Variants in ADAMTS18 observed in about 807,000 individuals in gnomAD.
ADAMTS18 encodes the protein ADAM metallopeptidase with thrombospondin type 1 motif 18, also known as A disintegrin and metalloproteinase with thrombospondin motifs 18.
ADAMTS18 carries 157 observed loss-of-function variants against 165.9 expected under a neutral mutation model. The ratio of observed to expected loss-of-function variants is 0.95; its 90% CI spans 0.83 to 1.08. ADAMTS18 has a LOEUF of 1.08. ADAMTS18 is among the 50% of genes least tolerant of loss of function. The pLI, the probability that ADAMTS18 is intolerant of heterozygous loss-of-function variation, is 0.00. For synonymous variants in ADAMTS18, 782 were observed against 578.2 expected (o/e 1.35, Z -5.06); for missense variants, 2,040 against 1,534.0 (o/e 1.33, Z -5.51).
chr16:77,292,234 G>A (rs2055377836), intron 20 of ADAMTS18, among the ~76,000 whole-genome samples: 1 of 152,294 alleles, frequency 6.6e-6, no homozygotes, highest in Admixed American at 6.5e-5. Context: ...GGAGGTGGAG[G>A]CTGCAGTGAG....
At chr16:77,359,954 G>C (rs1808552) in intron 7 of ADAMTS18, among the ~76,000 whole-genome samples, 55,576 of 152,102 alleles carry the variant, frequency 0.37, 11,079 homozygotes, top group Non-Finnish European at 0.46. Context: ...TCTTTATAAT[G>C]TGGTAAGTGC....
chr16:77,314,340 G>A (rs369667935), intron 16 of ADAMTS18, among the ~76,000 whole-genome samples: 1 of 152,016 alleles, frequency 6.6e-6, no homozygotes, highest in African/African-American at 2.4e-5. Context: ...GCTGGGCGTG[G>A]TGCACACCAG....
intron 15 of ADAMTS18, 79 bp from the exon 16 acceptor site, chr16:77,320,172 GTGT>G (rs887728190): frequency 1.3e-6 from 2 of 1,559,470 alleles, no homozygotes; most frequent in Non-Finnish European, 1.8e-6. Flanking sequence ...CCGACATGTA[GTGT>G]TCAGTTTTAT....
intron 16 of ADAMTS18, among the ~76,000 whole-genome samples, chr16:77,319,449 G>T (rs2055947499): frequency 6.6e-6 from 1 of 151,952 alleles, no homozygotes; most frequent in Admixed American, 6.6e-5. Flanking sequence ...ACCTTTTGTT[G>T]TTGTTGTTGT....
rs529077454 is a variant in ADAMTS18 at position 77,384,823 on chromosome 16, A to C, written c.496-17100T>G. Among the ~76,000 whole-genome samples, 46 of 104,786 alleles carry C rather than the reference A, an allele frequency of 4.4e-4. 1 individual carries two copies. The highest frequency in any genetic ancestry group is 0.012 in the Middle Eastern group (2 of 162). The allele number at this position is 104,786 out of a possible 152,430, so 68.7% of individuals were successfully genotyped here. On this transcript the variant is annotated intron_variant, in intron 3 of 22. Transcript: ENST00000282849. The stretch of plus-strand genomic sequence containing the variant: ...CTTCTTCTGATACCATTTTTGCTTC[A>C]GATTTTTTTAAAAAATCTCAACATT...
rs1426099979 is a variant in ADAMTS18, at chr16:77,364,251, C to T, written c.909G>A (p.Lys303=). The T allele has an allele frequency of 6.2e-7, 1 of 1,614,024 alleles. No homozygotes were observed. The highest frequency in any genetic ancestry group is 1.1e-5 in the South Asian group (1 of 91,072). ...CCTTGCCATGCTTTTCCACCATTTT[C>T]TTGTCTGCCACCACGAGGGTTTCCA... The part of the protein sequence containing the change: ...LNVETLVVAD[K]KMVEKHGKGN... The change falls in exon 5 of 23, where the codon AAG becomes AAA. Residue 303 remains lysine (K), a synonymous_variant. Coordinates refer to ENST00000282849, the MANE Select transcript of ADAMTS18 (RefSeq NM_199355.4).
rs181173125 is a variant in ADAMTS18, at chr16:77,302,450, G to A, written c.2533-2046C>T. Among the ~76,000 whole-genome samples the A allele has an allele frequency of 1.6e-3, 246 of 152,270 alleles. 4 individuals carry two copies. In the East Asian group the frequency reaches 0.044, roughly 27 times the overall value. On this transcript the variant is annotated intron_variant, in intron 16 of 22. Transcript: ENST00000282849. Reference sequence around the variant, plus strand: ...GTGAGTGCAATGCATAAGAGTTACAGTGCGCTAAGGCCCACAAGGCAGAAT... The same window carrying A: ...GTGAGTGCAATGCATAAGAGTTACAATGCGCTAAGGCCCACAAGGCAGAAT...
chr16:77,370,067 G>GAA (rs1427474689), intron 3 of ADAMTS18, among the ~76,000 whole-genome samples: 1 of 152,100 alleles, frequency 6.6e-6, no homozygotes, highest in Admixed American at 6.5e-5. Flanking sequence ...ATTAGGTATA[G>GAA]AAAAAGTGCA....
chr16:77,411,338 T>G (rs1032550582), intron 3 of ADAMTS18, among the ~76,000 whole-genome samples: 1 of 152,230 alleles, frequency 6.6e-6, no homozygotes, highest in Non-Finnish European at 1.5e-5. Flanking sequence ...GTCAGTCTCA[T>G]GCCAACGCCT....
chr16:77,284,123 C>G (rs879019851), intron 22 of ADAMTS18, 52 bp from the exon 23 acceptor site: 23 of 951,640 alleles, frequency 2.4e-5, no homozygotes, highest in Non-Finnish European at 3.3e-5. Flanking sequence ...TATCCTTTTT[C>G]TTTTTTTTTT....
rs1050472566 is a variant in ADAMTS18, at chr16:77,362,822, T to G, written c.1057-558A>C. Among the ~76,000 whole-genome samples, 3 of 152,208 alleles carry G rather than the reference T, an allele frequency of 2.0e-5. No homozygotes were observed. In the South Asian group the frequency reaches 6.2e-4, roughly 32 times the overall value. ...GGTCAAAGCTGTTGACTTGGCCAAG[T>G]TGAAGGTTTTTAGACAAGATCTTTA... On this transcript the variant is annotated intron_variant, in intron 6 of 22. Coordinates refer to ENST00000282849, the MANE Select transcript of ADAMTS18 (RefSeq NM_199355.4).
intron 16 of ADAMTS18, among the ~76,000 whole-genome samples, chr16:77,314,596 GA>G (rs1177715039): frequency 7.6e-6 from 1 of 131,228 alleles, no homozygotes; most frequent in African/African-American, 2.9e-5. Context: ...TGGGCAACAA[GA>G]GCAAAACTCT....
chr16:77,301,756 A>C (rs952788454), intron 16 of ADAMTS18, among the ~76,000 whole-genome samples: 2 of 142,618 alleles, frequency 1.4e-5, no homozygotes, highest in African/African-American at 4.9e-5. Flanking sequence ...GAGTATTATG[A>C]CTAACTCTTA....
intron 16 of ADAMTS18, among the ~76,000 whole-genome samples, chr16:77,302,146 A>G (rs991826618): frequency 1.3e-5 from 2 of 152,018 alleles, no homozygotes; most frequent in Non-Finnish European, 2.9e-5. Context: ...TTGAATAAAT[A>G]GTATGCTTTC....
At chr16:77,344,754 A>C (rs77179277) in intron 10 of ADAMTS18, among the ~76,000 whole-genome samples, 7 of 149,404 alleles carry the variant, frequency 4.7e-5, no homozygotes, top group South Asian at 4.3e-4. Flanking sequence ...AAAAAAAAAA[A>C]CACAGGGATT....
chr16:77,326,804 A>C (rs1210474071), intron 12 of ADAMTS18, among the ~76,000 whole-genome samples: 1 of 152,240 alleles, frequency 6.6e-6, no homozygotes, highest in Non-Finnish European at 1.5e-5. Flanking sequence ...TTTGGTATAC[A>C]GACTGTTTCA....
At chr16:77,368,355 A>G (rs1008515410) in intron 3 of ADAMTS18, among the ~76,000 whole-genome samples, 2 of 151,924 alleles carry the variant, frequency 1.3e-5, no homozygotes, top group Admixed American at 6.6e-5. Flanking sequence ...GGCAGATGCC[A>G]TGTTCACCAC....
At chr16:77,346,955 C>T (rs1246383071) in intron 10 of ADAMTS18, among the ~76,000 whole-genome samples, 1 of 152,216 alleles carries the variant, frequency 6.6e-6, no homozygotes. Flanking sequence ...TCCCCTGTCC[C>T]CTTTTGCAGT....
Position 77,299,502 on chromosome 16 carries a change from A to C in ADAMTS18, c.2674+761T>G, listed in dbSNP as rs534620595. ...TCTGTCTCTGATTCTAAGCCTTATT[A>C]TGCTTAGTGGGATGGAACCAGTAGG... On this transcript the variant is annotated intron_variant, in intron 17 of 22. Transcript: ENST00000282849. Among the ~76,000 whole-genome samples the C allele has an allele frequency of 3.9e-5, 6 of 152,278 alleles. No individual in the cohort carries two copies. The East Asian group carries it at 1.2e-3, about 29-fold the overall frequency.
Sources: allele counts gnomAD v4.1 joint callset (sites outside exome capture counted in the v4.1 genomes callset), GRCh38; gene constraint gnomAD v4.1.1; transcripts MANE v1.5; gene names NCBI Gene and HGNC (gene_info 2026-07-23, HGNC 2026-07-21).